PPIL6: variants seen among roughly 807,000 people sequenced by gnomAD.
PPIL6 encodes the protein peptidylprolyl isomerase like 6.
PPIL6 carries 39 observed loss-of-function variants against 36.8 expected under a neutral mutation model. The ratio of observed to expected loss-of-function variants is 1.06; its 90% CI spans 0.82 to 1.38. The LOEUF (loss-of-function observed/expected upper bound fraction) is 1.38. Among genes scored for constraint, PPIL6 ranks in the 40% most tolerant of loss-of-function variants. PPIL6 has a pLI of 0.00. For missense variants in PPIL6, 368 were observed against 379.1 expected (o/e 0.97, Z 0.24); for synonymous variants, 123 against 134.1 (o/e 0.92, Z 0.57).
intron 6 of PPIL6, among the ~76,000 whole-genome samples, chr6:109,407,279 G>C (rs1009643307): frequency 6.8e-6 from 1 of 147,632 alleles, no homozygotes; most frequent in African/African-American, 2.5e-5. Flanking sequence ...TCGCTCTTTC[G>C]CCCAGGCCGG....
intron 6 of PPIL6, among the ~76,000 whole-genome samples, chr6:109,404,023 C>T (rs1772674551): frequency 6.6e-6 from 1 of 152,192 alleles, no homozygotes; most frequent in Admixed American, 6.6e-5. Flanking sequence ...CTCTTCTTCC[C>T]ACTTGATTGC....
intron 3 of PPIL6, among the ~76,000 whole-genome samples, chr6:109,428,807 T>C (rs1773965153): frequency 6.6e-6 from 1 of 152,092 alleles, no homozygotes; most frequent in African/African-American, 2.4e-5. Flanking sequence ...AACAGAATAG[T>C]GTAACTAAAG....
At chr6:109,417,289 A>T (rs898478270) in intron 6 of PPIL6, among the ~76,000 whole-genome samples, 11 of 151,180 alleles carry the variant, frequency 7.3e-5, no homozygotes, top group Non-Finnish European at 1.3e-4. Flanking sequence ...CCAAGTAGGT[A>T]GTAGTCCCAC....
chr6:109,398,339 C>G lies in PPIL6; in HGVS notation c.824+1696G>C, dbSNP rs117492033. On this transcript the variant is annotated intron_variant, in intron 7 of 7. Coordinates refer to ENST00000521072, the MANE Select transcript of PPIL6 (RefSeq NM_173672.5). ...TATCCTATGGATGAAAATACACTTT[C>G]TATTTTTTCAACCTGGAAGTATCAC... is the stretch of plus-strand genomic sequence containing the variant. 9.7e-3 allele frequency among the ~76,000 whole-genome samples: 1,480 copies of G among 152,284 alleles called. 26 individuals carry two copies. The highest frequency in any genetic ancestry group is 0.06 in the East Asian group (311 of 5,184).
At chr6:109,419,341 A>G in intron 5 of PPIL6, 98 bp from the exon 6 acceptor site, 7 of 776,146 alleles carry the variant, frequency 9.0e-6, no homozygotes, top group Non-Finnish European at 1.3e-5. Flanking sequence ...TGATGATTTC[A>G]AGGCTGAGGT....
chr6:109,395,940 A>C (rs1345696510), intron 7 of PPIL6, among the ~76,000 whole-genome samples: 1 of 146,040 alleles, frequency 6.8e-6, no homozygotes, highest in Non-Finnish European at 1.5e-5. Flanking sequence ...GGTTGACACC[A>C]TTCTGCCTCA....
intron 1 of PPIL6, among the ~76,000 whole-genome samples, chr6:109,436,917 C>T (rs1774480433): frequency 1.3e-5 from 2 of 152,212 alleles, no homozygotes; most frequent in South Asian, 4.2e-4. Context: ...CTTGCTAAAC[C>T]TCGGTGGATC....
intron 5 of PPIL6, among the ~76,000 whole-genome samples, chr6:109,419,733 A>C (rs77210023): frequency 0.016 from 2,429 of 152,218 alleles, 73 homozygotes; most frequent in African/African-American, 0.056. Flanking sequence ...CAAAAAAAAA[A>C]ACAAAAGAAT....
intron 1 of PPIL6, 76 bp downstream of exon 1, chr6:109,440,380 G>A (rs1208121683): frequency 6.7e-7 from 1 of 1,490,944 alleles, no homozygotes; most frequent in East Asian, 2.6e-5. Flanking sequence ...TCGAGGAGGC[G>A]CGGCGCCTGC....
chr6:109,392,135 G>A lies in PPIL6; in HGVS notation c.*691C>T, dbSNP rs75105987. 0.01 allele frequency: 1,564 copies of A among 152,282 alleles called. 17 individuals are homozygous for A. Among genetic ancestry groups the A allele is most frequent in the South Asian group, 0.022 (106 of 4,828 alleles). 9.4% of individuals were successfully genotyped at this position (152,282 alleles called of 1,614,324 possible). The stretch of plus-strand genomic sequence containing the variant: ...GTAGGTGGTTGCTGGTATTGGTCCC[G>A]CAGCTCAAGAGACTGGGGCTGACAT... On this transcript the variant is annotated 3_prime_UTR_variant, in exon 8 of 8. Transcript: ENST00000521072.
At position 109,440,612 on chromosome 6, in the gene PPIL6, G is replaced by C; in HGVS notation, c.-22C>G. The C allele has an allele frequency of 7.5e-7, 1 of 1,325,154 alleles. No individual in the cohort carries two copies. The highest frequency in any genetic ancestry group is 1.8e-5 in the South Asian group (1 of 54,982). 82.1% of individuals were successfully genotyped at this position (1,325,154 alleles called of 1,614,324 possible). A position where few individuals can be genotyped will look rare whatever the true frequency, so the allele number is the denominator to read the frequency against. ...CCATGGCCGCGCCCGGGGACGCCCG[G>C]TGACCCCAAACACTGCGCGTCGCTC... On this transcript the variant is annotated 5_prime_UTR_variant, in exon 1 of 8. Transcript: ENST00000521072.
intron 7 of PPIL6, among the ~76,000 whole-genome samples, chr6:109,399,790 C>T (rs1190368385): frequency 2.6e-5 from 4 of 152,180 alleles, no homozygotes; most frequent in Non-Finnish European, 2.9e-5. Flanking sequence ...AATCTCCCAC[C>T]TCAGCCTCCA....
intron 3 of PPIL6, among the ~76,000 whole-genome samples, chr6:109,428,268 T>TA (rs897769560): frequency 6.6e-6 from 1 of 152,030 alleles, no homozygotes; most frequent in Non-Finnish European, 1.5e-5. Flanking sequence ...TCTCCTACAT[T>TA]AAAATGCCAC....
intron 3 of PPIL6, among the ~76,000 whole-genome samples, chr6:109,428,670 CT>C (rs1287376023): frequency 1.3e-5 from 2 of 151,114 alleles, no homozygotes; most frequent in Non-Finnish European, 2.9e-5. Flanking sequence ...GTCACTCTAA[CT>C]TTTTTTTAAT....
Position 109,392,667 on chromosome 6 carries a change from A to G in PPIL6, c.*159T>C, listed in dbSNP as rs1772138283. The G allele has an allele frequency of 1.7e-6, 1 of 573,508 alleles. No homozygotes were observed. Among genetic ancestry groups the G allele is most frequent in the Non-Finnish European group, 3.1e-6 (1 of 326,078 alleles). 35.5% of individuals were successfully genotyped at this position (573,508 alleles called of 1,614,324 possible). A position where few individuals can be genotyped will look rare whatever the true frequency, so the allele number is the denominator to read the frequency against. ...CTTTCACAGTCTCTATGACAGAGAC[A>G]GGAAAGGAAGATGGGGAGGGATTGG... On this transcript the variant is annotated 3_prime_UTR_variant, in exon 8 of 8. Coordinates refer to ENST00000521072, the MANE Select transcript of PPIL6 (RefSeq NM_173672.5).
At position 109,431,362 on chromosome 6, in the gene PPIL6, CAAA is replaced by C; in HGVS notation, c.232-20_232-18del. 2.4e-4 allele frequency: 256 copies of C among 1,070,254 alleles called. No homozygotes were observed. The highest frequency in any genetic ancestry group is 4.9e-4 in the South Asian group (22 of 44,728). The allele number at this position is 1,070,254 out of a possible 1,614,324, so 66.3% of individuals were successfully genotyped here. A position where few individuals can be genotyped will look rare whatever the true frequency, so the allele number is the denominator to read the frequency against. On this transcript the variant is annotated intron_variant, in intron 2 of 7. Coordinates refer to ENST00000521072, the MANE Select transcript of PPIL6 (RefSeq NM_173672.5). ...TTTGAGTTCCTGTAAGGGAAAAGGA[CAAA>C]AAAAAAAAAAAACGTAAGAAGTGGG...
intron 3 of PPIL6, among the ~76,000 whole-genome samples, chr6:109,430,322 T>C (rs374996031): frequency 6.6e-6 from 1 of 152,218 alleles, no homozygotes; most frequent in East Asian, 1.9e-4. Context: ...CACATCCTGA[T>C]AACTATCTCT....
intron 2 of PPIL6, among the ~76,000 whole-genome samples, chr6:109,432,992 T>C (rs1774234742): frequency 6.6e-6 from 1 of 152,146 alleles, no homozygotes; most frequent in African/African-American, 2.4e-5. Flanking sequence ...ATAGAGCCAG[T>C]TGGTCGATAC....
At chr6:109,435,331 C>A (rs2115291777) in intron 2 of PPIL6, among the ~76,000 whole-genome samples, 1 of 145,874 alleles carries the variant, frequency 6.9e-6, no homozygotes, top group South Asian at 2.2e-4. Flanking sequence ...CAGAGTCTCA[C>A]TCTGTCACCA....
Sources: gnomAD v4.1 joint callset for allele counts (sites outside exome capture counted in the v4.1 genomes callset) on GRCh38, gnomAD v4.1.1 for gene constraint, MANE v1.5 for transcripts, NCBI Gene and HGNC (gene_info 2026-07-23, HGNC 2026-07-21) for gene names.